Variants in CHIC1 observed in about 807,000 individuals in gnomAD.
The protein encoded by CHIC1 is cysteine rich hydrophobic domain 1.
Under a neutral mutation model 18.5 loss-of-function variants are expected in CHIC1, and 7 were observed. The ratio of observed to expected loss-of-function variants is 0.38; its 90% CI spans 0.22 to 0.71. The LOEUF is 0.71. Among genes scored for constraint, CHIC1 ranks in the 30% least tolerant of loss-of-function variants. The pLI, the probability that CHIC1 is intolerant of heterozygous loss-of-function variation, is 0.49. For synonymous variants in CHIC1, 77 were observed against 73.5 expected (o/e 1.05, Z -0.25); for missense variants, 159 against 176.9 (o/e 0.90, Z 0.57).
chrX:73,655,451 CACAATATTGTGTATATATATATACAT>C (rs2057939189), intron 3 of CHIC1, among the ~76,000 whole-genome samples: 2 of 32,853 alleles, frequency 6.1e-5, no homozygotes, highest in African/African-American at 1.7e-4. Flanking sequence ...TACATATATA[CACAATATTGTGTATATATATATACAT>C]ATATACACAA....
rs1348496324 is a variant in CHIC1 at position 73,675,940 on chromosome X, C to A, written c.508-3386C>A. Among the ~76,000 whole-genome samples the A allele has an allele frequency of 1.7e-3, 188 of 110,594 alleles. 1 individual carries two copies. Among genetic ancestry groups the A allele is most frequent in the African/African-American group, 5.8e-3 (175 of 30,285 alleles). On this transcript the variant is annotated intron_variant, in intron 3 of 5. Transcript: ENST00000373502. Reference sequence around the variant, plus strand: ...AGGGCAGGCCTGGTGGTGACAAAATCTCTCAGCATTTGCTTGTCTGTAAAG... The same window carrying A: ...AGGGCAGGCCTGGTGGTGACAAAATATCTCAGCATTTGCTTGTCTGTAAAG...
At chrX:73,665,099 A>G (rs2057998109) in intron 3 of CHIC1, among the ~76,000 whole-genome samples, 1 of 112,180 alleles carries the variant, frequency 8.9e-6, no homozygotes, top group Admixed American at 9.4e-5. Flanking sequence ...TTCTAATGCC[A>G]CTTGCCTAAG....
At chrX:73,661,229 C>A (rs1404525364) in intron 3 of CHIC1, among the ~76,000 whole-genome samples, 1 of 112,169 alleles carries the variant, frequency 8.9e-6, no homozygotes, top group African/African-American at 3.2e-5. Flanking sequence ...GTCAGGTGGA[C>A]TCTCCAGGAA....
chrX:73,595,789 C>T (rs768922773), intron 3 of CHIC1, among the ~76,000 whole-genome samples: 2 of 111,719 alleles, frequency 1.8e-5, no homozygotes, highest in African/African-American at 6.5e-5. Flanking sequence ...ACACTCCCAA[C>T]ATCTGTGTAA....
In CHIC1 at chrX:73,605,021, G is replaced by C. The variant is rs146419552; in HGVS notation, c.507+20449G>C. 2.7e-3 allele frequency among the ~76,000 whole-genome samples: 286 copies of C among 107,681 alleles called. 5 individuals carry two copies. In the East Asian group the frequency reaches 0.03, roughly 11 times the overall value. The allele number at this position is 107,681 out of a possible 115,157, so 93.5% of individuals were successfully genotyped here. A position where few individuals can be genotyped will look rare whatever the true frequency, so the allele number is the denominator to read the frequency against. ...GTGTAGATGTCTATTAGTTCTGCTT[G>C]ATCTAGAGCTGAGTTCAAGTCTTGA... On this transcript the variant is annotated intron_variant, in intron 3 of 5. Coordinates refer to ENST00000373502, the MANE Select transcript of CHIC1 (RefSeq NM_001039840.4).
chrX:73,567,834 T>C (rs1399302773), intron 1 of CHIC1, among the ~76,000 whole-genome samples: 4 of 108,975 alleles, frequency 3.7e-5, no homozygotes, highest in Admixed American at 3.0e-4. Flanking sequence ...CTCTGCTCAA[T>C]CTGGGGCCTC....
chrX:73,649,035 G>A (rs1017155470), intron 3 of CHIC1, among the ~76,000 whole-genome samples: 12 of 111,651 alleles, frequency 1.1e-4, no homozygotes, highest in African/African-American at 3.6e-4. Flanking sequence ...AGAGAGTGGC[G>A]GCCAATATTC....
intron 3 of CHIC1, among the ~76,000 whole-genome samples, chrX:73,628,751 A>G (rs1317075761): frequency 9.0e-6 from 1 of 111,392 alleles, no homozygotes; most frequent in East Asian, 2.8e-4. Flanking sequence ...ACCAGGTACT[A>G]TGAGTGCTCA....
At chrX:73,614,409 C>A (rs997172083) in intron 3 of CHIC1, among the ~76,000 whole-genome samples, 4 of 111,394 alleles carry the variant, frequency 3.6e-5, no homozygotes, top group African/African-American at 1.3e-4. Flanking sequence ...ATGTCTAAAT[C>A]TCTTGCTAGG....
At chrX:73,627,792 T>A (rs138910450) in intron 3 of CHIC1, among the ~76,000 whole-genome samples, 58 of 111,479 alleles carry the variant, frequency 5.2e-4, no homozygotes, top group African/African-American at 1.8e-3. Context: ...AGCTTGGTGC[T>A]CTGCCCTTCC....
At position 73,608,266 on chromosome X, in the gene CHIC1, T is replaced by C. The variant is rs187313719; in HGVS notation, c.507+23694T>C. Among the ~76,000 whole-genome samples the C allele has an allele frequency of 3.3e-4, 36 of 109,453 alleles. 6 individuals are homozygous for C. Among genetic ancestry groups the C allele is most frequent in the African/African-American group, 1.3e-3 (36 of 28,304 alleles). On this transcript the variant is annotated intron_variant, in intron 3 of 5. Coordinates refer to ENST00000373502, the MANE Select transcript of CHIC1 (RefSeq NM_001039840.4). Reference sequence around the variant, plus strand: ...TCTATTTCATTTGTTTATATGTCTGTCTTTATGCCAGTACCACACTTTTTT... The same window carrying C: ...TCTATTTCATTTGTTTATATGTCTGCCTTTATGCCAGTACCACACTTTTTT...
chrX:73,587,662 C>A lies in CHIC1; in HGVS notation c.507+3090C>A, dbSNP rs2057559856. 2.7e-5 allele frequency among the ~76,000 whole-genome samples: 3 copies of A among 111,386 alleles called. No homozygotes were observed. In the Admixed American group the frequency reaches 2.9e-4, roughly 11 times the overall value. On this transcript the variant is annotated intron_variant, in intron 3 of 5. Coordinates refer to ENST00000373502, the MANE Select transcript of CHIC1 (RefSeq NM_001039840.4). ...ATATGATAGAAACAAATGCCCCATC[C>A]ATACATTATGCCATTTGGAAAAGAA...
At chrX:73,603,271 G>T (rs1432078264) in intron 3 of CHIC1, among the ~76,000 whole-genome samples, 2 of 108,151 alleles carry the variant, frequency 1.8e-5, no homozygotes, top group African/African-American at 7.2e-5. Flanking sequence ...TAGCAATTGT[G>T]AATGGGAGTT....
intron 3 of CHIC1, among the ~76,000 whole-genome samples, chrX:73,601,717 G>T (rs1467615292): frequency 2.9e-5 from 3 of 103,760 alleles, no homozygotes; most frequent in African/African-American, 1.1e-4. Flanking sequence ...AATCAGAGCA[G>T]AACTGAAGGA....
At position 73,681,008 on chromosome X, in the gene CHIC1, A is replaced by C. The variant is rs2058096475; in HGVS notation, c.*3A>C. 20 of 1,088,061 alleles carry C rather than the reference A, an allele frequency of 1.8e-5. No individual in the cohort carries two copies. Among genetic ancestry groups the C allele is most frequent in the Non-Finnish European group, 2.5e-5 (20 of 807,017 alleles). 89.7% of individuals were successfully genotyped at this position (1,088,061 alleles called of 1,213,427 possible). ...ATCCCATATTCCGACCTGACTGAGGAGTTTTATCCAGTCACTTCTGTGTTA... is the reference window on the plus strand; with the variant it reads ...ATCCCATATTCCGACCTGACTGAGGCGTTTTATCCAGTCACTTCTGTGTTA... On this transcript the variant is annotated 3_prime_UTR_variant, in exon 6 of 6. Coordinates refer to ENST00000373502, the MANE Select transcript of CHIC1 (RefSeq NM_001039840.4).
At chrX:73,675,118 A>G (rs969396583) in intron 3 of CHIC1, among the ~76,000 whole-genome samples, 14 of 111,663 alleles carry the variant, frequency 1.3e-4, no homozygotes, top group South Asian at 1.1e-3. Context: ...TATAATTTCT[A>G]TTCTTTTACA....
intron 3 of CHIC1, among the ~76,000 whole-genome samples, chrX:73,677,991 GTTTT>G (rs371037548): frequency 1.2e-5 from 1 of 80,438 alleles, no homozygotes; most frequent in Non-Finnish European, 2.4e-5. Flanking sequence ...TTTGGAGGTT[GTTTT>G]TTTTTTTTTT....
At chrX:73,577,243 T>C (rs1350368457) in intron 1 of CHIC1, among the ~76,000 whole-genome samples, 164 bp from the exon 2 acceptor site, 1 of 110,373 alleles carries the variant, frequency 9.1e-6, no homozygotes, top group Non-Finnish European at 1.9e-5. Flanking sequence ...GGATTAATAA[T>C]CAAAGATTTA....
chrX:73,682,555 C>T lies in CHIC1; in HGVS notation c.*1550C>T, dbSNP rs916443363. 8.1e-5 allele frequency: 9 copies of T among 111,655 alleles called. No individual in the cohort carries two copies. The highest frequency in any genetic ancestry group is 1.3e-4 in the African/African-American group (4 of 30,766). 9.2% of individuals were successfully genotyped at this position (111,655 alleles called of 1,213,427 possible). ...CATAGAAGGTCAAGCCTTTTTAAGC[C>T]ACTCTTAAAATTTATGCCTAATTTG... is the stretch of plus-strand genomic sequence containing the variant. On this transcript the variant is annotated 3_prime_UTR_variant, in exon 6 of 6. Transcript: ENST00000373502.
Sources: allele counts gnomAD v4.1 joint callset (sites outside exome capture counted in the v4.1 genomes callset), GRCh38; gene constraint gnomAD v4.1.1; transcripts MANE v1.5; gene names NCBI Gene and HGNC (gene_info 2026-07-23, HGNC 2026-07-21).